Variants in CCBE1 observed in about 807,000 individuals in gnomAD.
The protein encoded by CCBE1 is collagen and calcium-binding EGF domain-containing protein 1.
A neutral mutation model predicts 50.0 loss-of-function variants in CCBE1; 37 were observed. That is an observed-to-expected ratio of 0.74 (90% CI 0.57 to 0.97). The LOEUF is 0.97. CCBE1 is among the 50% of genes least tolerant of loss of function. CCBE1 has a pLI of 0.00. For missense variants in CCBE1, 538 were observed against 523.8 expected (o/e 1.03, Z -0.26); for synonymous variants, 234 against 203.7 (o/e 1.15, Z -1.27).
At chr18:59,540,431 T>C (rs1915423920) in intron 2 of CCBE1, among the ~76,000 whole-genome samples, 1 of 152,220 alleles carries the variant, frequency 6.6e-6, no homozygotes, top group Non-Finnish European at 1.5e-5. Context: ...GCTGAGCCCA[T>C]GTGTCCATGT....
At chr18:59,481,785 AG>A (rs1312750546) in intron 2 of CCBE1, among the ~76,000 whole-genome samples, 1 of 152,236 alleles carries the variant, frequency 6.6e-6, no homozygotes, top group African/African-American at 2.4e-5. Context: ...ATTCATTACC[AG>A]CAGACCTGTG....
At chr18:59,567,011 C>T (rs2144471884) in intron 2 of CCBE1, among the ~76,000 whole-genome samples, 1 of 152,314 alleles carries the variant, frequency 6.6e-6, no homozygotes, top group South Asian at 2.1e-4. Flanking sequence ...CAGATTATTT[C>T]CCCTCTATCT....
chr18:59,439,272 G>A (rs1910301731), intron 9 of CCBE1, among the ~76,000 whole-genome samples: 1 of 151,970 alleles, frequency 6.6e-6, no homozygotes, highest in South Asian at 2.1e-4. Flanking sequence ...GGGTGACAGA[G>A]TGAGACTCTG....
At chr18:59,605,482 G>T (rs2053485841) in intron 2 of CCBE1, among the ~76,000 whole-genome samples, 1 of 152,188 alleles carries the variant, frequency 6.6e-6, no homozygotes, top group Non-Finnish European at 1.5e-5. Flanking sequence ...TGCCAAGTGA[G>T]CCTGAAAAAG....
chr18:59,653,490 T>A (rs1210978538), intron 2 of CCBE1, among the ~76,000 whole-genome samples: 1 of 152,252 alleles, frequency 6.6e-6, no homozygotes, highest in Non-Finnish European at 1.5e-5. Context: ...ATACTCACCC[T>A]GTGCCAAACA....
chr18:59,696,469 A>T (rs995456647), intron 2 of CCBE1, 160 bp downstream of exon 2: 5 of 1,499,312 alleles, frequency 3.3e-6, no homozygotes, highest in Non-Finnish European at 4.4e-6. Flanking sequence ...CGATCCAACC[A>T]ACCCTCAAAG....
At chr18:59,504,742 T>A (rs1180832935) in intron 2 of CCBE1, among the ~76,000 whole-genome samples, 1 of 152,234 alleles carries the variant, frequency 6.6e-6, no homozygotes, top group Non-Finnish European at 1.5e-5. Flanking sequence ...ACATGTGAAA[T>A]GAAACTTATC....
chr18:59,502,681 T>TC (rs1568174508), intron 2 of CCBE1, among the ~76,000 whole-genome samples: 3 of 150,954 alleles, frequency 2.0e-5, no homozygotes, highest in African/African-American at 7.4e-5. Flanking sequence ...TCTAATTTCC[T>TC]CCCCCTCCCC....
chr18:59,486,081 C>A (rs1912812157), intron 2 of CCBE1, among the ~76,000 whole-genome samples: 1 of 152,122 alleles, frequency 6.6e-6, no homozygotes, highest in Admixed American at 6.5e-5. Context: ...CTTGGCCTTG[C>A]TCCTTAATCT....
At chr18:59,670,225 A>AAATTAT (rs2054413638) in intron 2 of CCBE1, among the ~76,000 whole-genome samples, 1 of 152,164 alleles carries the variant, frequency 6.6e-6, no homozygotes, top group Non-Finnish European at 1.5e-5. Context: ...TAAAAGTGAA[A>AAATTAT]AATTATAATA....
chr18:59,606,666 C>T (rs972153108), intron 2 of CCBE1, among the ~76,000 whole-genome samples: 8 of 152,192 alleles, frequency 5.3e-5, no homozygotes, highest in Middle Eastern at 3.4e-3. Context: ...GAGGCTGTAT[C>T]TTAATCTTGA....
chr18:59,469,315 T>C (rs951522691), intron 4 of CCBE1, among the ~76,000 whole-genome samples, 158 bp downstream of exon 4: 2 of 152,234 alleles, frequency 1.3e-5, no homozygotes, highest in African/African-American at 4.8e-5. Context: ...TAATTGGTTT[T>C]AGTAATTGTG....
At chr18:59,487,463 T>A (rs1912877209) in intron 2 of CCBE1, among the ~76,000 whole-genome samples, 1 of 148,392 alleles carries the variant, frequency 6.7e-6, no homozygotes, top group Non-Finnish European at 1.5e-5. Flanking sequence ...CCTTTTACAC[T>A]ACATCCCCCA....
intron 2 of CCBE1, among the ~76,000 whole-genome samples, chr18:59,614,321 A>C (rs2053611071): frequency 6.6e-6 from 1 of 152,284 alleles, no homozygotes; most frequent in South Asian, 2.1e-4. Flanking sequence ...AATATTTTCT[A>C]TTTTAAATAT....
chr18:59,560,411 G>A (rs1038667537), intron 2 of CCBE1, among the ~76,000 whole-genome samples: 7 of 152,168 alleles, frequency 4.6e-5, no homozygotes, highest in Non-Finnish European at 4.4e-5. Context: ...AGAACACACG[G>A]ACACAGGAAG....
At chr18:59,500,095 G>A (rs747914605) in intron 2 of CCBE1, among the ~76,000 whole-genome samples, 1 of 152,186 alleles carries the variant, frequency 6.6e-6, no homozygotes, top group Non-Finnish European at 1.5e-5. Context: ...AGTCCCAGAG[G>A]AAGGTAGCAA....
At chr18:59,457,955 G>C (rs1911273672) in intron 5 of CCBE1, among the ~76,000 whole-genome samples, 1 of 152,192 alleles carries the variant, frequency 6.6e-6, no homozygotes, top group Non-Finnish European at 1.5e-5. Context: ...CTGACTGCAG[G>C]AAATGGTGGG....
At chr18:59,472,621 T>A (rs1257171041) in intron 3 of CCBE1, among the ~76,000 whole-genome samples, 1 of 152,210 alleles carries the variant, frequency 6.6e-6, no homozygotes, top group Non-Finnish European at 1.5e-5. Flanking sequence ...AGCGCTGGGA[T>A]TACCAGCACC....
chr18:59,695,520 G>A (rs577976244), intron 2 of CCBE1, among the ~76,000 whole-genome samples: 1 of 152,212 alleles, frequency 6.6e-6, no homozygotes, highest in Non-Finnish European at 1.5e-5. Context: ...GCCAACAACA[G>A]ATTTAAGAGC....
Sources: allele counts gnomAD v4.1 joint callset (sites outside exome capture counted in the v4.1 genomes callset), GRCh38; gene constraint gnomAD v4.1.1; transcripts MANE v1.5; gene names NCBI Gene and HGNC (gene_info 2026-07-23, HGNC 2026-07-21).